Variants in CENPI observed in about 807,000 individuals in gnomAD.
CENPI encodes FSH primary response 1.
A neutral mutation model predicts 60.4 loss-of-function variants in CENPI; 4 were observed. The observed-to-expected ratio is 0.07, with a 90% confidence interval of 0.03 to 0.15. CENPI has a LOEUF of 0.15. Ranked by LOEUF, CENPI falls within the 10% of genes least tolerant of loss-of-function variation. CENPI has a pLI of 1.00. For synonymous variants in CENPI, 157 were observed against 189.4 expected (o/e 0.83, Z 1.40); for missense variants, 444 against 534.5 (o/e 0.83, Z 1.67).
rs1366804122 is a variant in CENPI at position 101,132,217 on chromosome X, C to G, written c.1315C>G (p.Leu439Val). Residue 439 changes from leucine to valine, a missense_variant, in exon 14 of 22, where the codon CTG (leucine) becomes GTG (valine). Transcript: ENST00000682095. ...GGGGTTTTATTCCTGTGAAGCATTCCTGTATAAGAGCCTTCCTCTCTGGGA... is the reference window on the plus strand; with the variant it reads ...GGGGTTTTATTCCTGTGAAGCATTCGTGTATAAGAGCCTTCCTCTCTGGGA... Reference protein sequence around the residue: ...QEGFYSCEAFLYKSLPLWDGL... With the variant: ...QEGFYSCEAFVYKSLPLWDGL... 1 of 1,206,538 alleles carries G rather than the reference C, an allele frequency of 8.3e-7. No individual in the cohort carries two copies. Among genetic ancestry groups the G allele is most frequent in the Non-Finnish European group, 1.1e-6 (1 of 892,461 alleles).
At chrX:101,142,450 A>C (rs774380992) in intron 16 of CENPI, among the ~76,000 whole-genome samples, 5 of 111,825 alleles carry the variant, frequency 4.5e-5, no homozygotes, top group Non-Finnish European at 7.5e-5. Flanking sequence ...TATTTTTATC[A>C]TGTGACCATA....
chrX:101,126,243 A>G (rs956533068), intron 8 of CENPI, among the ~76,000 whole-genome samples: 5 of 112,183 alleles, frequency 4.5e-5, no homozygotes, highest in Non-Finnish European at 9.4e-5. Flanking sequence ...TGTTTCAGTT[A>G]TATCAAAGCT....
At position 101,131,016 on chromosome X, in the gene CENPI, G is replaced by A. The variant is rs754254358; in HGVS notation, c.1287+943G>A. 3.6e-5 allele frequency among the ~76,000 whole-genome samples: 4 copies of A among 111,171 alleles called. 1 individual carries two copies. In the South Asian group the frequency reaches 1.5e-3, roughly 42 times the overall value. On this transcript the variant is annotated intron_variant, in intron 13 of 21. Coordinates refer to ENST00000682095, the MANE Select transcript of CENPI (RefSeq NM_001386188.2). ...AATTCTTTGTTTTTTTTTAGACAAG[G>A]TCTTGCTCTGTTGCCCAGGCTGGAG...
In CENPI at chrX:101,101,500, C is replaced by T. The variant is rs1007161901; in HGVS notation, c.226+204C>T. On this transcript the variant is annotated intron_variant, in intron 3 of 21. Coordinates refer to ENST00000682095, the MANE Select transcript of CENPI (RefSeq NM_001386188.2). ...ACTTACTAGCAGAGTGGTTCCCAAA[C>T]GGCTGCATATTGGGATCACTTGAGA... is the stretch of plus-strand genomic sequence containing the variant. Among the ~76,000 whole-genome samples, 13 of 111,135 alleles carry T rather than the reference C, an allele frequency of 1.2e-4. 1 individual carries two copies. The South Asian group carries it at 1.5e-3, about 13-fold the overall frequency.
chrX:101,179,120 C>T, the CENPI span, among the ~76,000 whole-genome samples: 1 of 111,991 alleles, frequency 8.9e-6, no homozygotes, highest in Non-Finnish European at 1.9e-5. Flanking sequence ...AGTTTCAGAA[C>T]TTTTTCATCA....
intron 18 of CENPI, 67 bp downstream of exon 18, chrX:101,146,344 A>T: frequency 2.0e-6 from 2 of 1,000,354 alleles, no homozygotes; most frequent in Non-Finnish European, 2.7e-6. Context: ...TTCAGCTATA[A>T]TACAATAAAT....
At chrX:101,160,787 A>G (rs1174226409) in intron 20 of CENPI, among the ~76,000 whole-genome samples, 1 of 111,742 alleles carries the variant, frequency 8.9e-6, no homozygotes, top group Non-Finnish European at 1.9e-5. Flanking sequence ...ACAGTGATAG[A>G]TATGCTAATT....
intron 20 of CENPI, among the ~76,000 whole-genome samples, chrX:101,153,316 A>G (rs954360174): frequency 2.0e-5 from 2 of 100,481 alleles, no homozygotes; most frequent in African/African-American, 3.7e-5. Flanking sequence ...TTTTTTTGAG[A>G]CGGTCGTTCT....
the CENPI span, among the ~76,000 whole-genome samples, chrX:101,179,837 A>G: frequency 8.9e-6 from 1 of 112,082 alleles, no homozygotes; most frequent in Non-Finnish European, 1.9e-5. Flanking sequence ...CTGTTTTTCA[A>G]TTCTTGTGGG....
At chrX:101,157,779 C>T (rs2090067119) in intron 20 of CENPI, among the ~76,000 whole-genome samples, 1 of 109,237 alleles carries the variant, frequency 9.2e-6, no homozygotes, top group Non-Finnish European at 1.9e-5. Context: ...TATCTATCAA[C>T]TCAAACACTT....
In CENPI at chrX:101,164,802, T is replaced by C. The variant is rs1414891716; in HGVS notation, c.*1835T>C. 8.9e-6 allele frequency among the ~76,000 whole-genome samples: 1 copy of C among 112,710 alleles called. No homozygotes were observed. The highest frequency in any genetic ancestry group is 1.9e-5 in the Non-Finnish European group (1 of 53,409). On this transcript the variant is annotated 3_prime_UTR_variant, in exon 22 of 22. Coordinates refer to ENST00000682095, the MANE Select transcript of CENPI (RefSeq NM_001386188.2). ...ATATGGCTTTTGTCCTTCATTCTGT[T>C]AACATGATATATCACATTTACTGAT...
At chrX:101,102,248 C>T in intron 3 of CENPI, 26 bp from the exon 4 acceptor site, 1 of 1,098,633 alleles carries the variant, frequency 9.1e-7, no homozygotes, top group South Asian at 2.1e-5. Flanking sequence ...AAAGGTCTCA[C>T]TATTTAATAT....
chrX:101,111,528 T>TA (rs11443717), intron 6 of CENPI, among the ~76,000 whole-genome samples: 33,605 of 104,708 alleles, frequency 0.32, 4,278 homozygotes, highest in Middle Eastern at 0.44. Flanking sequence ...TTCATTGTGG[T>TA]AAAAAAAAAA....
At chrX:101,146,920 G>C (rs1602842352) in intron 18 of CENPI, among the ~76,000 whole-genome samples, 1 of 110,646 alleles carries the variant, frequency 9.0e-6, no homozygotes, top group East Asian at 2.8e-4. Context: ...ATTTTTAGTA[G>C]AGATGGGGTT....
chrX:101,126,392 A>G (rs2089735662), intron 8 of CENPI, among the ~76,000 whole-genome samples: 1 of 112,028 alleles, frequency 8.9e-6, no homozygotes, highest in African/African-American at 3.2e-5. Flanking sequence ...TGAGTATGCT[A>G]CCAGTGAGAA....
chrX:101,110,159 A>G (rs1320351504), intron 6 of CENPI, among the ~76,000 whole-genome samples, 161 bp downstream of exon 6: 1 of 112,587 alleles, frequency 8.9e-6, no homozygotes, highest in Non-Finnish European at 1.9e-5. Context: ...CATATCAAAT[A>G]TACAGAAAAG....
chrX:101,136,478 A>C (rs189866493), intron 15 of CENPI, among the ~76,000 whole-genome samples: 2 of 112,085 alleles, frequency 1.8e-5, no homozygotes, highest in African/African-American at 6.5e-5. Flanking sequence ...AATTAGCTAA[A>C]CGTTAGTTTC....
intron 21 of CENPI, among the ~76,000 whole-genome samples, chrX:101,162,550 A>T (rs1017219035): frequency 1.2e-4 from 13 of 107,437 alleles, no homozygotes; most frequent in African/African-American, 4.1e-4. Flanking sequence ...TAATATAATA[A>T]TATCTGCTCC....
rs181974591 is a variant in CENPI, at chrX:101,136,966, G to A, written c.1471-3700G>A. Among the ~76,000 whole-genome samples, 4 of 110,649 alleles carry A rather than the reference G, an allele frequency of 3.6e-5. No homozygotes were observed. The East Asian group carries it at 8.5e-4, about 24-fold the overall frequency. Reference sequence around the variant, plus strand: ...CTTGTTCTGTTGCCCAGGCTGGAGCGCAGTGGCATGGTCATAGCTCACTGT... The same window carrying A: ...CTTGTTCTGTTGCCCAGGCTGGAGCACAGTGGCATGGTCATAGCTCACTGT... On this transcript the variant is annotated intron_variant, in intron 15 of 21. Transcript: ENST00000682095.
Sources: allele counts gnomAD v4.1 joint callset (sites outside exome capture counted in the v4.1 genomes callset), GRCh38; gene constraint gnomAD v4.1.1; transcripts MANE v1.5; gene names NCBI Gene and HGNC (gene_info 2026-07-23, HGNC 2026-07-21).